PTPRO: variants seen among roughly 807,000 people sequenced by gnomAD.
PTPRO encodes protein tyrosine phosphatase receptor type O, also known as receptor-type tyrosine-protein phosphatase O.
Under a neutral mutation model 145.2 loss-of-function variants are expected in PTPRO, and 62 were observed. The ratio of observed to expected loss-of-function variants is 0.43; its 90% CI spans 0.35 to 0.53. The LOEUF is 0.53. Among genes scored for constraint, PTPRO ranks in the 20% least tolerant of loss-of-function variants. PTPRO has a pLI of 0.01. For missense variants in PTPRO, 1,345 were observed against 1,482.7 expected (o/e 0.91, Z 1.53); for synonymous variants, 565 against 514.7 (o/e 1.10, Z -1.32).
At chr12:15,470,773 A>G (rs763986181) in intron 1 of PTPRO, among the ~76,000 whole-genome samples, 4 of 152,250 alleles carry the variant, frequency 2.6e-5, no homozygotes, top group Non-Finnish European at 5.9e-5. Flanking sequence ...GGTTGGGCCA[A>G]GAAAATAGAG....
In PTPRO at chr12:15,415,613, C is replaced by T. The variant is rs531580382; in HGVS notation, c.76-68361C>T. Among the ~76,000 whole-genome samples, 3 of 151,726 alleles carry T rather than the reference C, an allele frequency of 2.0e-5. 1 individual carries two copies. The highest frequency in any genetic ancestry group is 7.3e-5 in the African/African-American group (3 of 41,038). The stretch of plus-strand genomic sequence containing the variant: ...TGTTAGCCAGGATGGTCTCGATCTC[C>T]CGACCTTGTGATCCGCCCACCCTGG... On this transcript the variant is annotated intron_variant, in intron 1 of 26. Transcript: ENST00000281171.
intron 1 of PTPRO, among the ~76,000 whole-genome samples, chr12:15,433,759 G>A (rs1565626955): frequency 1.3e-5 from 2 of 152,114 alleles, no homozygotes; most frequent in South Asian, 4.1e-4. Context: ...GGTTATTGTA[G>A]CCTGCAGTAT....
chr12:15,565,012 C>T (rs889434517), intron 17 of PTPRO, among the ~76,000 whole-genome samples: 2 of 152,082 alleles, frequency 1.3e-5, no homozygotes, highest in African/African-American at 4.8e-5. Flanking sequence ...TGATGAAGAG[C>T]AAGCAGGTAA....
intron 1 of PTPRO, among the ~76,000 whole-genome samples, chr12:15,417,973 T>A (rs570118922): frequency 9.2e-5 from 14 of 151,964 alleles, no homozygotes; most frequent in African/African-American, 3.4e-4. Flanking sequence ...TGCAAATTGT[T>A]TGTTACTTGT....
Position 15,546,683 on chromosome 12 carries a change from G to T in PTPRO, c.2279G>T (p.Gly760Val). 9 of 1,613,944 alleles carry T rather than the reference G, an allele frequency of 5.6e-6. No individual in the cohort carries two copies. The highest frequency in any genetic ancestry group is 6.8e-6 in the Non-Finnish European group (8 of 1,179,918). Residue 760 changes from glycine to valine, a missense_variant, in exon 13 of 27, where the codon GGC becomes GTC. By Grantham distance (109) the Gly-to-Val change is moderately radical. This residue lies in a region of PTPRO where 1,130 missense variants were observed against 1,214.7 expected (regional missense o/e 0.93). Transcript: ENST00000281171. ...DFFEVFCQQV[G>V]SSQKTKLQEP... The stretch of plus-strand genomic sequence containing the variant: ...TTTGAAGTTTTCTGTCAACAAGTTG[G>T]CTCCAGTCAGAAAACCAAACTTCAG...
intron 1 of PTPRO, among the ~76,000 whole-genome samples, chr12:15,442,267 C>T (rs956143445): frequency 1.3e-5 from 2 of 152,034 alleles, no homozygotes; most frequent in African/African-American, 4.8e-5. Flanking sequence ...ATCTCAGACA[C>T]AGGGAAAGCT....
chr12:15,546,897 C>A (rs1943305999), intron 13 of PTPRO, among the ~76,000 whole-genome samples, 189 bp downstream of exon 13: 1 of 152,166 alleles, frequency 6.6e-6, no homozygotes, highest in Non-Finnish European at 1.5e-5. Context: ...GAACTTTTAT[C>A]TTTGTCTGTA....
At chr12:15,487,953 T>C (rs1941924425) in intron 2 of PTPRO, among the ~76,000 whole-genome samples, 1 of 152,218 alleles carries the variant, frequency 6.6e-6, no homozygotes. Context: ...TTTCTTCTTA[T>C]CTGCTTCGAT....
intron 1 of PTPRO, among the ~76,000 whole-genome samples, chr12:15,480,009 T>G (rs1941744651): frequency 6.6e-6 from 1 of 152,216 alleles, no homozygotes; most frequent in Non-Finnish European, 1.5e-5. Flanking sequence ...GGCTGCATTC[T>G]TTAGGACATT....
Position 15,594,972 on chromosome 12 carries a change from G to C in PTPRO, c.3582G>C (p.Leu1194=). Residue 1194 remains leucine (L), a synonymous_variant, in exon 26 of 27, where the codon CTG becomes CTC. Coordinates refer to ENST00000281171, the MANE Select transcript of PTPRO (RefSeq NM_030667.3). ...TTTTTATCCATCAGTGTGTGCAACT[G>C]ATGTGGATGAAGAAGAAGCAGCAGT... ...QYIFIHQCVQ[L]MWMKKKQQFC... The C allele has an allele frequency of 6.2e-7, 1 of 1,613,918 alleles. No homozygotes were observed. Among genetic ancestry groups the C allele is most frequent in the Non-Finnish European group, 8.5e-7 (1 of 1,179,884 alleles).
intron 1 of PTPRO, among the ~76,000 whole-genome samples, chr12:15,466,674 G>A (rs538564317): frequency 1.7e-3 from 256 of 152,118 alleles, no homozygotes; most frequent in African/African-American, 6.0e-3. Context: ...TGTGATGTTG[G>A]TGTCCTTCTC....
At chr12:15,531,921 T>C (rs577407718) in intron 12 of PTPRO, among the ~76,000 whole-genome samples, 2 of 152,326 alleles carry the variant, frequency 1.3e-5, no homozygotes, top group South Asian at 4.1e-4. Flanking sequence ...ATTACATGTG[T>C]TCATATTAGC....
chr12:15,341,227 T>A (rs926534093), intron 1 of PTPRO, among the ~76,000 whole-genome samples: 4 of 152,228 alleles, frequency 2.6e-5, no homozygotes, highest in Non-Finnish European at 1.5e-5. Context: ...CCCAAGGATA[T>A]GTTATTTTTC....
At chr12:15,379,599 A>G (rs1200790076) in intron 1 of PTPRO, among the ~76,000 whole-genome samples, 3 of 151,932 alleles carry the variant, frequency 2.0e-5, no homozygotes, top group Non-Finnish European at 2.9e-5. Flanking sequence ...ATGGAATATC[A>G]TTTGGCAATA....
intron 1 of PTPRO, among the ~76,000 whole-genome samples, chr12:15,452,949 T>A (rs1941084195): frequency 1.3e-5 from 2 of 152,218 alleles, no homozygotes; most frequent in African/African-American, 4.8e-5. Flanking sequence ...AGCTGTTTCA[T>A]AAATTTTCCA....
intron 7 of PTPRO, among the ~76,000 whole-genome samples, chr12:15,512,524 G>A (rs531509344): frequency 6.6e-6 from 1 of 152,298 alleles, no homozygotes; most frequent in Admixed American, 6.5e-5. Flanking sequence ...CAGGATTTGT[G>A]GGAGGAGGAG....
chr12:15,483,852 T>C (rs1941830856), intron 1 of PTPRO, 122 bp from the exon 2 acceptor site: 2 of 1,049,500 alleles, frequency 1.9e-6, no homozygotes, highest in Non-Finnish European at 2.8e-6. Context: ...GAAATAAGGC[T>C]TACCATAAAC....
At chr12:15,497,719 G>A (rs1430440837) in intron 3 of PTPRO, among the ~76,000 whole-genome samples, 1 of 152,228 alleles carries the variant, frequency 6.6e-6, no homozygotes, top group Non-Finnish European at 1.5e-5. Context: ...AGAAGCACAA[G>A]TAACCGTTTC....
intron 1 of PTPRO, among the ~76,000 whole-genome samples, chr12:15,376,499 G>T (rs1591756282): frequency 1.3e-5 from 2 of 152,184 alleles, no homozygotes; most frequent in African/African-American, 4.8e-5. Flanking sequence ...CAGTAGCTCA[G>T]ATTCACGTGA....
Sources: gnomAD v4.1 joint callset for allele counts (sites outside exome capture counted in the v4.1 genomes callset) on GRCh38, gnomAD v4.1.1 for gene constraint, gnomAD v4.1.1 regional missense constraint, MANE v1.5 for transcripts, NCBI Gene and HGNC (gene_info 2026-07-23, HGNC 2026-07-21) for gene names.